The following ADGRL3 variants were observed in gnomAD, a reference collection of about 807,000 sequenced individuals.
ADGRL3 encodes calcium-independent alpha-latrotoxin receptor 3.
In ADGRL3, 62 loss-of-function variants were observed where a neutral mutation model predicts 153.5. The observed-to-expected ratio is 0.40, with a 90% CI of 0.33 to 0.50. The LOEUF is 0.50. ADGRL3 is among the 20% of genes least tolerant of loss of function. ADGRL3 has a pLI of 0.47. For synonymous variants in ADGRL3, 710 were observed against 672.5 expected, an observed-to-expected ratio of 1.06 and a Z score of -0.86; for missense variants, 1,641 against 1,859.4, an observed-to-expected ratio of 0.88 and a Z score of 2.16.
intron 5 of ADGRL3, among the ~76,000 whole-genome samples, chr4:61,659,845 G>A (rs2150550218): frequency 7.5e-6 from 1 of 134,184 alleles, no homozygotes; most frequent in Non-Finnish European, 1.5e-5. Flanking sequence ...GACTACTTAT[G>A]AAGAGCCTGG....
intron 1 of ADGRL3, among the ~76,000 whole-genome samples, chr4:61,382,305 A>C (rs1208699993): frequency 6.6e-5 from 10 of 151,372 alleles, no homozygotes; most frequent in African/African-American, 1.9e-4. Flanking sequence ...CTCTTTGTGT[A>C]GTCACAAACT....
intron 1 of ADGRL3, among the ~76,000 whole-genome samples, chr4:61,345,539 G>A (rs11131324): frequency 0.25 from 38,396 of 152,000 alleles, 6,056 homozygotes; most frequent in East Asian, 0.38. Flanking sequence ...TAACTTAATA[G>A]CAAAAGCTCT....
chr4:61,569,929 T>G (rs190687631), intron 4 of ADGRL3, among the ~76,000 whole-genome samples: 1 of 152,202 alleles, frequency 6.6e-6, no homozygotes, highest in Non-Finnish European at 1.5e-5. Context: ...TTCTTTTTAT[T>G]GCTGAGTGAC....
chr4:61,246,045 A>G (rs1756940702), intron 1 of ADGRL3, among the ~76,000 whole-genome samples: 1 of 151,962 alleles, frequency 6.6e-6, no homozygotes, highest in Admixed American at 6.6e-5. Context: ...TCCCACCCTT[A>G]TCATCACTTT....
rs34524532 is a variant in ADGRL3, at chr4:61,350,343, GTTT to G, written c.-239-32764_-239-32762del. Among the ~76,000 whole-genome samples, 532 of 127,808 alleles carry G rather than the reference GTTT, an allele frequency of 4.2e-3. 4 individuals carry two copies. Among genetic ancestry groups the G allele is most frequent in the African/African-American group, 0.015 (515 of 34,834 alleles). The allele number at this position is 127,808 out of a possible 152,430, so 83.8% of individuals were successfully genotyped here. On this transcript the variant is annotated intron_variant, in intron 1 of 26. Transcript: ENST00000683033. ...GCCTCCCAAAAACATTCTGATGGAG[GTTT>G]TTTTTTTTTTTTTTTTCTATCTGGG...
chr4:61,413,811 G>A (rs910881920), intron 2 of ADGRL3, among the ~76,000 whole-genome samples: 6 of 152,150 alleles, frequency 3.9e-5, no homozygotes, highest in East Asian at 1.9e-4. Flanking sequence ...TCAGAGCCAC[G>A]TTGTTCCATG....
rs561430718 is a variant in ADGRL3 at position 61,314,994 on chromosome 4, A to G, written c.-239-68130A>G. ...TTACCGGATAACTGCTATAATTGGA[A>G]ATGGCAATTCATTTTTATGGTTGAA... On this transcript the variant is annotated intron_variant, in intron 1 of 26. Transcript: ENST00000683033. 5.9e-5 allele frequency among the ~76,000 whole-genome samples: 9 copies of G among 152,314 alleles called. No individual in the cohort carries two copies. The South Asian group carries it at 1.9e-3, about 32-fold the overall frequency.
intron 9 of ADGRL3, among the ~76,000 whole-genome samples, chr4:61,847,916 A>G (rs2098147709): frequency 4.3e-5 from 1 of 23,056 alleles, no homozygotes; most frequent in Non-Finnish European, 1.0e-4. Flanking sequence ...TATAAAATAT[A>G]TTATATATAT....
intron 21 of ADGRL3, among the ~76,000 whole-genome samples, chr4:62,027,856 T>G (rs1442584802): frequency 6.6e-6 from 1 of 151,914 alleles, no homozygotes; most frequent in African/African-American, 2.4e-5. Context: ...CAACCACAGG[T>G]TAATTAATTT....
At chr4:61,534,214 A>ATTGT (rs1272736880) in intron 4 of ADGRL3, among the ~76,000 whole-genome samples, 5 of 152,074 alleles carry the variant, frequency 3.3e-5, no homozygotes, top group South Asian at 4.1e-4. Flanking sequence ...TCCTTTCTCC[A>ATTGT]TTGTTTATTT....
intron 2 of ADGRL3, among the ~76,000 whole-genome samples, chr4:61,468,019 C>T (rs1388235748): frequency 6.6e-6 from 1 of 152,152 alleles, no homozygotes; most frequent in African/African-American, 2.4e-5. Flanking sequence ...CTCTAACAGG[C>T]TTTCCCCTGT....
chr4:61,629,137 A>G (rs764220782), intron 5 of ADGRL3, among the ~76,000 whole-genome samples: 6 of 152,150 alleles, frequency 3.9e-5, no homozygotes, highest in Non-Finnish European at 7.3e-5. Flanking sequence ...ACTCTTTGGG[A>G]ACCTCTTTCG....
At chr4:61,526,561 T>G (rs1176197568) in intron 4 of ADGRL3, among the ~76,000 whole-genome samples, 1 of 151,958 alleles carries the variant, frequency 6.6e-6, no homozygotes, top group Non-Finnish European at 1.5e-5. Context: ...GAAGAACACT[T>G]GAGGCCAGAA....
At chr4:61,490,364 C>T (rs2098245175) in intron 2 of ADGRL3, among the ~76,000 whole-genome samples, 1 of 151,682 alleles carries the variant, frequency 6.6e-6, no homozygotes, top group South Asian at 2.1e-4. Flanking sequence ...TCATTGTTTC[C>T]TTCTCCTCTT....
At chr4:61,927,302 T>C (rs1247923648) in intron 13 of ADGRL3, among the ~76,000 whole-genome samples, 1 of 152,072 alleles carries the variant, frequency 6.6e-6, no homozygotes, top group African/African-American at 2.4e-5. Context: ...GTCATTTCAT[T>C]CTAAAGTAGA....
At chr4:61,647,601 C>T (rs2094076717) in intron 5 of ADGRL3, among the ~76,000 whole-genome samples, 1 of 151,946 alleles carries the variant, frequency 6.6e-6, no homozygotes, top group African/African-American at 2.4e-5. Flanking sequence ...ATGAGAACAT[C>T]ATTTAAAAAA....
intron 8 of ADGRL3, among the ~76,000 whole-genome samples, chr4:61,793,740 G>A (rs2097372333): frequency 2.0e-5 from 3 of 151,890 alleles, no homozygotes; most frequent in South Asian, 4.2e-4. Context: ...AACTCAAAAC[G>A]ATAAGTTATA....
chr4:61,237,701 TATCTC>T (rs755810141), intron 1 of ADGRL3, among the ~76,000 whole-genome samples: 1 of 152,230 alleles, frequency 6.6e-6, no homozygotes, highest in Non-Finnish European at 1.5e-5. Flanking sequence ...ATTCTGGAAT[TATCTC>T]ATGAAGTTTT....
intron 1 of ADGRL3, among the ~76,000 whole-genome samples, chr4:61,264,273 T>A (rs371163470): frequency 1.3e-5 from 2 of 152,014 alleles, no homozygotes; most frequent in African/African-American, 4.8e-5. Context: ...GGGGACTGAA[T>A]TGAAATTGTG....
Sources: allele counts gnomAD v4.1 joint callset (sites outside exome capture counted in the v4.1 genomes callset), GRCh38; gene constraint gnomAD v4.1.1; transcripts MANE v1.5; gene names NCBI Gene and HGNC (gene_info 2026-07-23, HGNC 2026-07-21).